The following WWOX variants were observed in gnomAD, a reference collection of about 807,000 sequenced individuals.
The protein encoded by WWOX is WW domain containing oxidoreductase.
A neutral mutation model predicts 46.2 loss-of-function variants in WWOX; 69 were observed. The observed-to-expected ratio is 1.49, with a 90% CI of 1.23 to 1.82. The LOEUF is 1.82. WWOX is among the 40% of genes most tolerant of loss of function. WWOX has a pLI of 0.00. For synonymous variants in WWOX, 359 were observed against 202.6 expected, an observed-to-expected ratio of 1.77 and a Z score of -6.56; for missense variants, 919 against 542.6, an observed-to-expected ratio of 1.69 and a Z score of -6.89.
At chr16:78,406,845 C>G (rs558749400) in intron 6 of WWOX, among the ~76,000 whole-genome samples, 1 of 152,220 alleles carries the variant, frequency 6.6e-6, no homozygotes, top group South Asian at 2.1e-4. Flanking sequence ...AAGGTGGTCT[C>G]AAACTCATGA....
chr16:78,475,949 G>C (rs1417474835), intron 8 of WWOX, among the ~76,000 whole-genome samples: 1 of 152,132 alleles, frequency 6.6e-6, no homozygotes, highest in Non-Finnish European at 1.5e-5. Flanking sequence ...AATTTATTAT[G>C]GTAATGAGAA....
intron 8 of WWOX, among the ~76,000 whole-genome samples, chr16:78,671,610 A>G (rs983252170): frequency 1.3e-5 from 2 of 152,088 alleles, no homozygotes; most frequent in East Asian, 1.9e-4. Context: ...TTTCTTACCT[A>G]TAAAGTAGAG....
intron 8 of WWOX, among the ~76,000 whole-genome samples, chr16:79,053,371 G>C (rs560677887): frequency 3.9e-5 from 6 of 152,088 alleles, no homozygotes; most frequent in African/African-American, 1.4e-4. Flanking sequence ...TTCTTAGTGC[G>C]CACGTAAAGA....
intron 5 of WWOX, among the ~76,000 whole-genome samples, chr16:78,188,619 C>T (rs75226165): frequency 0.052 from 7,828 of 151,876 alleles, 282 homozygotes; most frequent in Non-Finnish European, 0.072. Context: ...TTAGAAGTTT[C>T]GAGACGATAA....
At chr16:79,026,720 C>T (rs369969448) in intron 8 of WWOX, among the ~76,000 whole-genome samples, 2 of 149,340 alleles carry the variant, frequency 1.3e-5, no homozygotes, top group African/African-American at 2.5e-5. Context: ...CGGGTTCACA[C>T]CATTTTCCTG....
At chr16:78,445,004 A>T (rs574477789) in intron 8 of WWOX, among the ~76,000 whole-genome samples, 1 of 151,510 alleles carries the variant, frequency 6.6e-6, no homozygotes, top group Non-Finnish European at 1.5e-5. Flanking sequence ...TGTGTTTCGG[A>T]TCCCAGGTTC....
chr16:78,444,345 C>G (rs1389940732), intron 8 of WWOX, among the ~76,000 whole-genome samples: 1 of 151,944 alleles, frequency 6.6e-6, no homozygotes, highest in Non-Finnish European at 1.5e-5. Context: ...CCAAGAATAG[C>G]CATCCCTTGG....
At chr16:78,757,230 A>G (rs1254119545) in intron 8 of WWOX, among the ~76,000 whole-genome samples, 1 of 152,214 alleles carries the variant, frequency 6.6e-6, no homozygotes, top group Non-Finnish European at 1.5e-5. Context: ...ATAATTTGTT[A>G]TACAACAGTG....
chr16:78,504,615 C>T (rs992866977), intron 8 of WWOX, among the ~76,000 whole-genome samples: 1 of 152,182 alleles, frequency 6.6e-6, no homozygotes, highest in African/African-American at 2.4e-5. Flanking sequence ...ATCTTTCTTT[C>T]CCCTTTAGCA....
At chr16:78,141,233 G>A (rs914639066) in intron 4 of WWOX, among the ~76,000 whole-genome samples, 8 of 152,116 alleles carry the variant, frequency 5.3e-5, no homozygotes, top group Admixed American at 2.0e-4. Context: ...CAGGGCTTTG[G>A]GTTTGTGATG....
At chr16:78,707,516 C>T (rs2048350063) in intron 8 of WWOX, among the ~76,000 whole-genome samples, 1 of 152,200 alleles carries the variant, frequency 6.6e-6, no homozygotes, top group Non-Finnish European at 1.5e-5. Flanking sequence ...GTCTGTGCAT[C>T]TGAGCTCTCT....
chr16:79,125,923 G>T (rs891353906), intron 8 of WWOX, among the ~76,000 whole-genome samples: 1 of 152,196 alleles, frequency 6.6e-6, no homozygotes, highest in African/African-American at 2.4e-5. Context: ...TTCTCCAGGA[G>T]ACTGTCATCT....
At chr16:78,398,546 A>G (rs1253747667) in intron 6 of WWOX, among the ~76,000 whole-genome samples, 1 of 152,094 alleles carries the variant, frequency 6.6e-6, no homozygotes, top group East Asian at 1.9e-4. Context: ...TTGATGAGTT[A>G]TTTTTTGGAC....
At chr16:78,168,503 C>T (rs958873802) in intron 5 of WWOX, 3 of 152,018 alleles carry the variant, frequency 2.0e-5, no homozygotes, top group African/African-American at 4.8e-5. Flanking sequence ...GGAACTCACC[C>T]GAATTGCACA....
chr16:78,354,312 C>CTTTTTTTTTTTTT (rs55635025), intron 5 of WWOX, among the ~76,000 whole-genome samples: 10 of 123,274 alleles, frequency 8.1e-5, no homozygotes, highest in Non-Finnish European at 1.1e-4. Context: ...ATGTGCTTAA[C>CTTTTTTTTTTTTT]TTTTTTTTTT....
At chr16:79,194,767 G>A (rs2051205595) in intron 8 of WWOX, among the ~76,000 whole-genome samples, 1 of 152,124 alleles carries the variant, frequency 6.6e-6, no homozygotes, top group Admixed American at 6.5e-5. Flanking sequence ...TGATCACTGA[G>A]TTAAATAATT....
intron 8 of WWOX, among the ~76,000 whole-genome samples, chr16:78,801,058 T>C (rs992835070): frequency 1.3e-4 from 19 of 143,064 alleles, no homozygotes; most frequent in African/African-American, 4.3e-4. Context: ...TCTCTACCTC[T>C]TTTTTTTTTT....
chr16:78,124,648 G>T (rs2033279034), intron 4 of WWOX, among the ~76,000 whole-genome samples: 1 of 152,146 alleles, frequency 6.6e-6, no homozygotes, highest in African/African-American at 2.4e-5. Context: ...ATGAAGAGCT[G>T]GTCTCAGTCT....
At chr16:78,195,050 C>G (rs933573608) in intron 5 of WWOX, among the ~76,000 whole-genome samples, 2 of 152,188 alleles carry the variant, frequency 1.3e-5, no homozygotes, top group African/African-American at 2.4e-5. Context: ...ATGCCTTCTG[C>G]TAACTGGGAC....
Sources: gnomAD v4.1 joint callset for allele counts (sites outside exome capture counted in the v4.1 genomes callset) on GRCh38, gnomAD v4.1.1 for gene constraint, MANE v1.5 for transcripts, NCBI Gene and HGNC (gene_info 2026-07-23, HGNC 2026-07-21) for gene names.